Variants in PARK7 observed in about 807,000 individuals in gnomAD.
PARK7 encodes Parkinson disease protein 7.
A neutral mutation model predicts 20.5 loss-of-function variants in PARK7; 14 were observed. The ratio of observed to expected loss-of-function variants is 0.68; its 90% CI spans 0.45 to 1.07. The LOEUF is 1.07. PARK7 is among the 50% of genes least tolerant of loss of function. PARK7 has a pLI of 0.00. For missense variants in PARK7, 234 were observed against 238.1 expected (o/e 0.98, Z 0.11); for synonymous variants, 98 against 84.3 (o/e 1.16, Z -0.89).
At chr1:7,983,465 C>T (rs1248483157) in intron 6 of PARK7, among the ~76,000 whole-genome samples, 4 of 152,248 alleles carry the variant, frequency 2.6e-5, no homozygotes, top group Non-Finnish European at 5.9e-5. Context: ...ACCTCCATTT[C>T]CTCTGGATCA....
chr1:7,969,768 C>T (rs888125471), intron 4 of PARK7, among the ~76,000 whole-genome samples: 10 of 152,182 alleles, frequency 6.6e-5, no homozygotes, highest in South Asian at 4.2e-4. Context: ...TTATTAGAGA[C>T]GGGGTTTCAC....
In PARK7 at chr1:7,965,391, G is replaced by T. The variant is rs1186457000; in HGVS notation, c.158G>T (p.Cys53Phe). The change falls in exon 3 of 7, where the codon TGT becomes TTT. Residue 53 changes from cysteine to phenylalanine, a missense_variant. Cys to Phe is a radical substitution (Grantham distance 205, BLOSUM62 -2). Coordinates refer to ENST00000338639, the MANE Select transcript of PARK7 (RefSeq NM_007262.5). ...CAGTGTAGCCGTGATGTGGTCATTT[G>T]TCCTGATGCCAGCCTTGAAGATGCA... is the stretch of plus-strand genomic sequence containing the variant. Reference protein sequence around the residue: ...PVQCSRDVVICPDASLEDAKK... With the variant: ...PVQCSRDVVIFPDASLEDAKK... 1 of 1,614,180 alleles carries T rather than the reference G, an allele frequency of 6.2e-7. No homozygotes were observed. The highest frequency in any genetic ancestry group is 8.5e-7 in the Non-Finnish European group (1 of 1,180,034).
intron 6 of PARK7, among the ~76,000 whole-genome samples, chr1:7,981,413 A>T (rs1042919541): frequency 6.6e-6 from 1 of 152,220 alleles, no homozygotes; most frequent in Admixed American, 6.5e-5. Flanking sequence ...CAGACCTGGG[A>T]TTTGAACCCA....
At chr1:7,974,271 TGTG>T (rs924804255) in intron 5 of PARK7, among the ~76,000 whole-genome samples, 32 of 151,256 alleles carry the variant, frequency 2.1e-4, no homozygotes, top group Admixed American at 1.6e-3. Flanking sequence ...TACATTGAGA[TGTG>T]GTGATCACAC....
chr1:7,973,721 TAAATA>T (rs201726073), intron 5 of PARK7, among the ~76,000 whole-genome samples: 3,238 of 146,634 alleles, frequency 0.022, 119 homozygotes, highest in African/African-American at 0.078. Flanking sequence ...TCTCAAAAAA[TAAATA>T]AAATAAAATA....
chr1:7,970,532 A>G (rs1371809794), intron 4 of PARK7, among the ~76,000 whole-genome samples: 3 of 152,220 alleles, frequency 2.0e-5, no homozygotes, highest in Non-Finnish European at 4.4e-5. Flanking sequence ...TGTGTCAGAC[A>G]CAAGGGATCT....
intron 3 of PARK7, among the ~76,000 whole-genome samples, chr1:7,965,765 A>G (rs1232819027): frequency 2.0e-5 from 3 of 152,012 alleles, no homozygotes. Context: ...CCTATTACAC[A>G]TTTTTACCTG....
chr1:7,970,820 C>G, intron 4 of PARK7, 74 bp from the exon 5 acceptor site: 3 of 1,456,678 alleles, frequency 2.1e-6, no homozygotes, highest in Admixed American at 1.7e-5. Flanking sequence ...TTAAATTCTT[C>G]CAAAGTTTCC....
At chr1:7,966,711 G>T (rs1203984214) in intron 3 of PARK7, among the ~76,000 whole-genome samples, 1 of 152,018 alleles carries the variant, frequency 6.6e-6, no homozygotes, top group Non-Finnish European at 1.5e-5. Context: ...GCGAGACCCT[G>T]TCTCAAAAAT....
rs34231723 is a variant in PARK7, at chr1:7,977,985, C to CTTTTTT, written c.409+271_409+276dup. Among the ~76,000 whole-genome samples the CTTTTTT allele has an allele frequency of 1.9e-3, 104 of 53,580 alleles. 30 individuals carry two copies. In the East Asian group the frequency reaches 0.069, roughly 36 times the overall value. 35.2% of individuals were successfully genotyped at this position (53,580 alleles called of 152,430 possible). On this transcript the variant is annotated intron_variant, in intron 6 of 6. Transcript: ENST00000338639. ...ATGTTGGTCAGGCTGGTCTCAAACTCTTTTTTTTTTTTTTTTTTTTTTTTT... is the reference window on the plus strand; with the variant it reads ...ATGTTGGTCAGGCTGGTCTCAAACTCTTTTTTTTTTTTTTTTTTTTTTTTTTTTTTT...
chr1:7,981,016 C>T (rs1185742895), intron 6 of PARK7, among the ~76,000 whole-genome samples: 1 of 152,154 alleles, frequency 6.6e-6, no homozygotes, highest in Non-Finnish European at 1.5e-5. Context: ...TCCCCATAAT[C>T]TTTTAATTCC....
chr1:7,969,100 A>G (rs949417442), intron 3 of PARK7: 29 of 463,684 alleles, frequency 6.3e-5, no homozygotes, highest in South Asian at 3.9e-4. Context: ...AGATTATACT[A>G]CCCCTGCTAC....
At chr1:7,971,346 C>T (rs1557445806) in intron 5 of PARK7, 4 of 292,202 alleles carry the variant, frequency 1.4e-5, no homozygotes, top group Non-Finnish European at 2.7e-5. Flanking sequence ...CTGTGCTTGC[C>T]CTGCAAATTC....
At chr1:7,977,103 A>G (rs1640598214) in intron 5 of PARK7, among the ~76,000 whole-genome samples, 1 of 152,192 alleles carries the variant, frequency 6.6e-6, no homozygotes, top group Non-Finnish European at 1.5e-5. Context: ...TGCCTTTAGC[A>G]TGTAACTAAA....
chr1:7,972,029 A>G (rs1023038856), intron 5 of PARK7: 3 of 152,254 alleles, frequency 2.0e-5, no homozygotes, highest in Non-Finnish European at 2.9e-5. Flanking sequence ...ATCAACATCA[A>G]AACATGTTGC....
At chr1:7,981,055 T>A (rs1350113505) in intron 6 of PARK7, among the ~76,000 whole-genome samples, 1 of 152,132 alleles carries the variant, frequency 6.6e-6, no homozygotes, top group Non-Finnish European at 1.5e-5. Flanking sequence ...CAGTTATAAC[T>A]GTAATGTGTG....
In PARK7 at chr1:7,974,931, C is replaced by T. The variant is rs531321365; in HGVS notation, c.323-2721C>T. ...AGTGCAGTGGTGCAATTTCGGCTCA[C>T]TGCAACCTCCACCTCCCAGGTTCAA... On this transcript the variant is annotated intron_variant, in intron 5 of 6. Transcript: ENST00000338639. 2.3e-4 allele frequency among the ~76,000 whole-genome samples: 34 copies of T among 150,570 alleles called. 1 individual carries two copies. In the South Asian group the frequency reaches 6.9e-3, roughly 31 times the overall value.
At chr1:7,983,862 G>A (rs995836274) in intron 6 of PARK7, among the ~76,000 whole-genome samples, 3 of 152,218 alleles carry the variant, frequency 2.0e-5, no homozygotes, top group Non-Finnish European at 4.4e-5. Context: ...CCTCCTGTGT[G>A]CCATGGATAT....
intron 2 of PARK7, 109 bp downstream of exon 2, chr1:7,962,984 CAA>C (rs1383911912): frequency 6.5e-6 from 6 of 922,854 alleles, no homozygotes; most frequent in Non-Finnish European, 1.1e-5. Flanking sequence ...CAAATATACA[CAA>C]AATTTCAGAG....
Sources: gnomAD v4.1 joint callset for allele counts (sites outside exome capture counted in the v4.1 genomes callset) on GRCh38, gnomAD v4.1.1 for gene constraint, MANE v1.5 for transcripts, NCBI Gene and HGNC (gene_info 2026-07-23, HGNC 2026-07-21) for gene names.